The following CSMD1 variants were observed in gnomAD, a reference collection of about 807,000 sequenced individuals.
The protein encoded by CSMD1 is CUB and sushi domain-containing protein 1.
A neutral mutation model predicts 417.5 loss-of-function variants in CSMD1; 213 were observed. The ratio of observed to expected loss-of-function variants is 0.51; its 90% CI spans 0.46 to 0.57. The LOEUF (loss-of-function observed/expected upper bound fraction) is 0.57, where lower values mean the gene tolerates loss of function less well. Among genes scored for constraint, CSMD1 ranks in the 20% least tolerant of loss-of-function variants. The probability of loss-of-function intolerance (pLI) is 0.00; values close to 1 mark genes in which losing one functional copy is unlikely to be tolerated. For missense variants in CSMD1, 6,923 were observed against 4,529.7 expected (o/e 1.53, Z -15.17); for synonymous variants, 2,862 against 1,736.8 (o/e 1.65, Z -16.11).
intron 36 of CSMD1, among the ~76,000 whole-genome samples, chr8:3,182,605 TG>T (rs1821414811): frequency 5.0e-5 from 3 of 60,336 alleles, no homozygotes; most frequent in Non-Finnish European, 5.7e-5. Context: ...TGTGTGTGTG[TG>T]TGTGTGTGTG....
Position 4,140,411 on chromosome 8 carries a change from T to A in CSMD1, c.416-108312A>T, listed in dbSNP as rs35399325. Among the ~76,000 whole-genome samples the A allele has an allele frequency of 2.3e-4, 35 of 150,496 alleles. 1 individual carries two copies. The highest frequency in any genetic ancestry group is 4.7e-4 in the Non-Finnish European group (32 of 67,928). ...TACTTCGGAGCCTGAAGCAGGAGAA[T>A]TGCTTGAACCTGGGAAGTGGAGGTT... On this transcript the variant is annotated intron_variant, in intron 3 of 69. Transcript: ENST00000635120.
chr8:3,789,208 G>A (rs530623361), intron 5 of CSMD1, among the ~76,000 whole-genome samples: 1 of 152,024 alleles, frequency 6.6e-6, no homozygotes, highest in Non-Finnish European at 1.5e-5. Context: ...CGCTGTGTAT[G>A]AGCAAGATAG....
intron 5 of CSMD1, among the ~76,000 whole-genome samples, chr8:3,982,786 G>C (rs535324106): frequency 4.6e-4 from 70 of 152,146 alleles, no homozygotes; most frequent in Non-Finnish European, 6.6e-4. Flanking sequence ...GCCAGAACGA[G>C]GGCAAGAATC....
chr8:3,051,513 G>C (rs1460074506), intron 50 of CSMD1, among the ~76,000 whole-genome samples: 3 of 152,166 alleles, frequency 2.0e-5, no homozygotes, highest in Admixed American at 1.3e-4. Context: ...TTACCTGGCT[G>C]AGGAAACTAT....
intron 6 of CSMD1, among the ~76,000 whole-genome samples, chr8:3,726,009 G>A (rs1320842014): frequency 6.6e-6 from 1 of 152,172 alleles, no homozygotes; most frequent in African/African-American, 2.4e-5. Flanking sequence ...GTCACTGCAA[G>A]TTCCTGCTGG....
At chr8:3,247,827 C>G (rs550356793) in intron 26 of CSMD1, among the ~76,000 whole-genome samples, 19 of 152,338 alleles carry the variant, frequency 1.2e-4, no homozygotes, top group African/African-American at 4.3e-4. Flanking sequence ...CTCCAATCTA[C>G]TGTACAAAAT....
chr8:4,230,127 C>G (rs974932842), intron 3 of CSMD1, among the ~76,000 whole-genome samples: 6 of 152,158 alleles, frequency 3.9e-5, no homozygotes, highest in Non-Finnish European at 1.5e-5. Context: ...ATTAAATCAT[C>G]TCAGAATGTG....
intron 3 of CSMD1, among the ~76,000 whole-genome samples, chr8:4,238,890 T>C (rs2128820071): frequency 6.6e-6 from 1 of 152,326 alleles, no homozygotes; most frequent in African/African-American, 2.4e-5. Context: ...GCAAATGCTT[T>C]TTTGAGTTTC....
chr8:4,893,311 G>A (rs745575462), intron 1 of CSMD1, among the ~76,000 whole-genome samples: 7 of 151,874 alleles, frequency 4.6e-5, no homozygotes, highest in Non-Finnish European at 1.0e-4. Flanking sequence ...ATATTCTGTA[G>A]AGTAATCCAT....
intron 3 of CSMD1, among the ~76,000 whole-genome samples, chr8:4,260,527 C>T (rs763568714): frequency 1.3e-5 from 2 of 152,092 alleles, no homozygotes; most frequent in African/African-American, 2.4e-5. Flanking sequence ...AGTCAAATGG[C>T]AAGCACATAG....
At chr8:4,168,034 C>G (rs190193161) in intron 3 of CSMD1, among the ~76,000 whole-genome samples, 1 of 151,852 alleles carries the variant, frequency 6.6e-6, no homozygotes, top group African/African-American at 2.4e-5. Context: ...GAAGCTGAGG[C>G]CGTAGAATTG....
At chr8:4,519,434 T>C (rs1193003805) in intron 2 of CSMD1, among the ~76,000 whole-genome samples, 1 of 151,532 alleles carries the variant, frequency 6.6e-6, no homozygotes, top group Non-Finnish European at 1.5e-5. Flanking sequence ...ATTTTTAAAG[T>C]AGTTAATCAA....
chr8:4,687,096 T>G (rs1806438590), intron 1 of CSMD1, among the ~76,000 whole-genome samples: 1 of 152,150 alleles, frequency 6.6e-6, no homozygotes, highest in African/African-American at 2.4e-5. Flanking sequence ...GCAGGCTAAC[T>G]CTGTGGTCGA....
intron 3 of CSMD1, among the ~76,000 whole-genome samples, chr8:4,317,132 C>G (rs929604445): frequency 2.0e-5 from 3 of 152,260 alleles, no homozygotes; most frequent in East Asian, 3.9e-4. Context: ...TCATCATCAT[C>G]TAAGGTTGAA....
chr8:3,608,590 C>T (rs1284658457), intron 8 of CSMD1, among the ~76,000 whole-genome samples: 8 of 151,794 alleles, frequency 5.3e-5, no homozygotes, highest in Admixed American at 1.3e-4. Context: ...AGTGAAACCC[C>T]GTCTCTATTA....
chr8:4,361,950 G>A (rs566981657), intron 3 of CSMD1, among the ~76,000 whole-genome samples: 1 of 151,884 alleles, frequency 6.6e-6, no homozygotes, highest in Non-Finnish European at 1.5e-5. Context: ...GGGCAACACA[G>A]CAAGACTCCA....
intron 3 of CSMD1, among the ~76,000 whole-genome samples, chr8:4,169,822 G>C (rs1256441645): frequency 6.6e-6 from 1 of 152,060 alleles, no homozygotes; most frequent in Non-Finnish European, 1.5e-5. Flanking sequence ...CTTTCTGTCT[G>C]CCCTTCCTGA....
At chr8:4,845,659 G>A (rs1016846381) in intron 1 of CSMD1, among the ~76,000 whole-genome samples, 8 of 152,152 alleles carry the variant, frequency 5.3e-5, no homozygotes, top group Non-Finnish European at 1.0e-4. Flanking sequence ...GCACAGACGG[G>A]AAAGAAAGAT....
At chr8:4,057,044 T>C (rs556361811) in intron 3 of CSMD1, among the ~76,000 whole-genome samples, 1 of 152,242 alleles carries the variant, frequency 6.6e-6, no homozygotes, top group Non-Finnish European at 1.5e-5. Flanking sequence ...CCTTTGGGTA[T>C]GTACCCAGTA....
Sources: gnomAD v4.1 joint callset for allele counts (sites outside exome capture counted in the v4.1 genomes callset) on GRCh38, gnomAD v4.1.1 for gene constraint, MANE v1.5 for transcripts, NCBI Gene and HGNC (gene_info 2026-07-23, HGNC 2026-07-21) for gene names.